Variants in AMMECR1L observed in about 807,000 individuals in gnomAD.
The protein encoded by AMMECR1L is AMMECR1-like protein.
In AMMECR1L, 4 loss-of-function variants were observed where a neutral mutation model predicts 36.8. The observed-to-expected ratio is 0.11, with a 90% CI of 0.05 to 0.25. The LOEUF is 0.25. Among genes scored for constraint, AMMECR1L ranks in the 10% least tolerant of loss-of-function variants. AMMECR1L has a pLI of 1.00. For synonymous variants in AMMECR1L, 147 were observed against 148.0 expected (o/e 0.99, Z 0.05); for missense variants, 232 against 392.1 (o/e 0.59, Z 3.45).
In AMMECR1L at chr2:127,867,171, C is replaced by T. The variant is rs77546173; in HGVS notation, c.725-175G>A. The T allele has an allele frequency of 0.011, 11,322 of 985,476 alleles. 65 individuals carry two copies. Among genetic ancestry groups the T allele is most frequent in the Middle Eastern group, 0.016 (30 of 1,914 alleles). 61.0% of individuals were successfully genotyped at this position (985,476 alleles called of 1,614,324 possible). A position where few individuals can be genotyped will look rare whatever the true frequency, so the allele number is the denominator to read the frequency against. Reference sequence around the variant, plus strand: ...TGGCGCCCAGTCTGTCTGCCAGTCCCGTGGAGACTCTGAGACATGAGATGA... The same window carrying T: ...TGGCGCCCAGTCTGTCTGCCAGTCCTGTGGAGACTCTGAGACATGAGATGA... On this transcript the variant is annotated intron_variant, in intron 6 of 7. Coordinates refer to ENST00000272647, the MANE Select transcript of AMMECR1L (RefSeq NM_001199140.2).
At chr2:127,870,754 G>T in intron 5 of AMMECR1L, 60 bp downstream of exon 5, 2 of 1,339,072 alleles carry the variant, frequency 1.5e-6, no homozygotes, top group Non-Finnish European at 1.0e-6. Flanking sequence ...ACATTGCCAT[G>T]TACTAACCCG....
intron 1 of AMMECR1L, chr2:127,885,159 G>A (rs1691700737): frequency 1.0e-6 from 1 of 985,274 alleles, no homozygotes; most frequent in Non-Finnish European, 1.2e-6. Context: ...GGAGGTTAAG[G>A]AAGGAGGGCC....
In AMMECR1L at chr2:127,871,060, T is replaced by C. The variant is rs1271530260; in HGVS notation, c.519-132A>G. The C allele has an allele frequency of 3.1e-5, 28 of 909,342 alleles. No homozygotes were observed. Among genetic ancestry groups the C allele is most frequent in the Non-Finnish European group, 4.3e-5 (26 of 602,072 alleles). The allele number at this position is 909,342 out of a possible 1,614,324, so 56.3% of individuals were successfully genotyped here. ...CTATTGTTCATCAACACTAACATGT[T>C]AAAAACAACTCGATGCTATTAACTG... On this transcript the variant is annotated intron_variant, in intron 4 of 7. Transcript: ENST00000272647. This position sits in a 1 kb window ranked among gnomAD's most constrained non-coding sequence, Gnocchi z 4.3.
intron 2 of AMMECR1L, among the ~76,000 whole-genome samples, chr2:127,880,773 T>C (rs1390770846): frequency 4.0e-5 from 6 of 149,010 alleles, no homozygotes; most frequent in Non-Finnish European, 1.5e-5. Flanking sequence ...ACATACAGTA[T>C]ACACACACAC....
chr2:127,874,354 A>AT lies in AMMECR1L; in HGVS notation c.-38-83dup. On this transcript the variant is annotated intron_variant, in intron 2 of 7. Transcript: ENST00000272647. This position sits in a 1 kb window ranked among gnomAD's most constrained non-coding sequence, Gnocchi z 5.2. ...AAAACATCAAAGATAGAGAGTCTGC[A>AT]TTGACCAGCTAAGAGCTGTCAAATT... The AT allele has an allele frequency of 7.6e-7, 1 of 1,323,930 alleles. No homozygotes were observed. The highest frequency in any genetic ancestry group is 1.0e-6 in the Non-Finnish European group (1 of 976,506). The allele number at this position is 1,323,930 out of a possible 1,614,324, so 82.0% of individuals were successfully genotyped here.
In AMMECR1L at chr2:127,885,862, C is replaced by T. The variant is rs1381358974; in HGVS notation, c.-201G>A. On this transcript the variant is annotated 5_prime_UTR_variant, in exon 1 of 8. Transcript: ENST00000272647. Reference sequence around the variant, plus strand: ...GGCGGACGGGACCTCTCGCGCTCTGCCTCCTCCTCTTGCTTCATGGAGCCA... The same window carrying T: ...GGCGGACGGGACCTCTCGCGCTCTGTCTCCTCCTCTTGCTTCATGGAGCCA... 5.1e-6 allele frequency: 5 copies of T among 985,912 alleles called. No homozygotes were observed. Among genetic ancestry groups the T allele is most frequent in the Non-Finnish European group, 4.8e-6 (4 of 830,018 alleles). The allele number at this position is 985,912 out of a possible 1,614,324, so 61.1% of individuals were successfully genotyped here.
In AMMECR1L at chr2:127,862,860, CCCT is replaced by C. The variant is rs1187057887; in HGVS notation, c.*2231_*2233del. The C allele has an allele frequency of 2.0e-5, 3 of 150,844 alleles. No individual in the cohort carries two copies. The highest frequency in any genetic ancestry group is 6.6e-5 in the Admixed American group (1 of 15,190). The allele number at this position is 150,844 out of a possible 1,614,324, so 9.3% of individuals were successfully genotyped here. On this transcript the variant is annotated 3_prime_UTR_variant, in exon 8 of 8. Coordinates refer to ENST00000272647, the MANE Select transcript of AMMECR1L (RefSeq NM_001199140.2). Reference sequence around the variant, plus strand: ...TCTTAAATGGCAGGTATCGTACCCCCCCTCGATAAAATAAAATAAAATAAAATA... The same window carrying C: ...TCTTAAATGGCAGGTATCGTACCCCCCGATAAAATAAAATAAAATAAAATA...
At position 127,871,976 on chromosome 2, in the gene AMMECR1L, G is replaced by T. The variant is rs1448561956; in HGVS notation, c.408-617C>A. On this transcript the variant is annotated intron_variant, in intron 3 of 7. Coordinates refer to ENST00000272647, the MANE Select transcript of AMMECR1L (RefSeq NM_001199140.2). This position sits in a 1 kb window ranked among gnomAD's most constrained non-coding sequence, Gnocchi z 4.3. ...GGCCAAGGTGGGCGGATCACTTGAG[G>T]TAAGGAGTTCTAGACCAGCCTGGTC... Among the ~76,000 whole-genome samples the T allele has an allele frequency of 6.6e-6, 1 of 152,080 alleles. No homozygotes were observed. Among genetic ancestry groups the T allele is most frequent in the Admixed American group, 6.5e-5 (1 of 15,276 alleles).
At chr2:127,876,891 C>T (rs923691529) in intron 2 of AMMECR1L, among the ~76,000 whole-genome samples, 3 of 151,828 alleles carry the variant, frequency 2.0e-5, no homozygotes, top group Admixed American at 6.6e-5. Flanking sequence ...GTGGTGCATG[C>T]CTGTAATCCT....
intron 7 of AMMECR1L, among the ~76,000 whole-genome samples, chr2:127,866,227 A>G (rs950915194): frequency 4.6e-5 from 7 of 152,216 alleles, no homozygotes; most frequent in African/African-American, 1.7e-4. Flanking sequence ...AAGAGAACTA[A>G]CATCTCCTGA....
Position 127,873,620 on chromosome 2 carries a change from A to C in AMMECR1L, c.407+208T>G. The C allele has an allele frequency of 6.1e-6, 6 of 985,470 alleles. No individual in the cohort carries two copies. Among genetic ancestry groups the C allele is most frequent in the Non-Finnish European group, 7.2e-6 (6 of 829,940 alleles). 61.0% of individuals were successfully genotyped at this position (985,470 alleles called of 1,614,324 possible). A position where few individuals can be genotyped will look rare whatever the true frequency, so the allele number is the denominator to read the frequency against. On this transcript the variant is annotated intron_variant, in intron 3 of 7. Coordinates refer to ENST00000272647, the MANE Select transcript of AMMECR1L (RefSeq NM_001199140.2). This position sits in a 1 kb window ranked among gnomAD's most constrained non-coding sequence, Gnocchi z 5.2. ...AACATTACTTTAACAACAAGCCTAC[A>C]GCCTCCTCCAAATGTGAACTGCTCC...
At position 127,871,381 on chromosome 2, in the gene AMMECR1L, A is replaced by T; in HGVS notation, c.408-22T>A. ...CGGACTAAAAAAAGCAAAACACAAAACATTCTCCAGCCCCAAATTAATCAT... is the reference window on the plus strand; with the variant it reads ...CGGACTAAAAAAAGCAAAACACAAATCATTCTCCAGCCCCAAATTAATCAT... On this transcript the variant is annotated intron_variant, in intron 3 of 7. Coordinates refer to ENST00000272647, the MANE Select transcript of AMMECR1L (RefSeq NM_001199140.2). The surrounding 1 kb of genome is among the most constrained non-coding windows in gnomAD (Gnocchi z 4.3). The T allele has an allele frequency of 6.2e-7, 1 of 1,606,514 alleles. No individual in the cohort carries two copies.
intron 6 of AMMECR1L, chr2:127,867,405 A>C: frequency 1.3e-6 from 1 of 759,172 alleles, no homozygotes; most frequent in Non-Finnish European, 1.6e-6. Context: ...TCTTCCTTCA[A>C]TCTGATGATT....
intron 1 of AMMECR1L, chr2:127,885,565 C>G (rs1319667695): frequency 1.0e-6 from 1 of 978,924 alleles, no homozygotes; most frequent in African/African-American, 1.7e-5. Flanking sequence ...CGGCGCCGCC[C>G]GCCCCTCCCC....
chr2:127,885,216 C>T (rs1194030153), intron 1 of AMMECR1L: 2 of 984,442 alleles, frequency 2.0e-6, no homozygotes, highest in African/African-American at 1.8e-5. Context: ...AGAAAGTGCG[C>T]GTGTGAAGAG....
At chr2:127,870,456 C>A (rs576538759) in intron 5 of AMMECR1L, among the ~76,000 whole-genome samples, 65 of 151,012 alleles carry the variant, frequency 4.3e-4, no homozygotes, top group African/African-American at 1.5e-3. Flanking sequence ...GCCTGGGGAA[C>A]AAGAACGAAA....
chr2:127,876,350 A>C (rs1691242667), intron 2 of AMMECR1L, among the ~76,000 whole-genome samples: 1 of 12,444 alleles, frequency 8.0e-5, no homozygotes, highest in Admixed American at 1.8e-3. Flanking sequence ...GCCCTGTCTC[A>C]AAAAAAAAAA....
chr2:127,880,835 A>T (rs568707792), intron 2 of AMMECR1L, among the ~76,000 whole-genome samples: 1 of 151,960 alleles, frequency 6.6e-6, no homozygotes, highest in Non-Finnish European at 1.5e-5. Flanking sequence ...CTACACATCT[A>T]ATAATTTAAG....
intron 5 of AMMECR1L, among the ~76,000 whole-genome samples, chr2:127,870,266 A>T (rs1406616450): frequency 6.6e-6 from 1 of 150,824 alleles, no homozygotes; most frequent in East Asian, 1.9e-4. Flanking sequence ...GTGAGCTGAG[A>T]TTGCACCACT....
Sources: gnomAD v4.1 joint callset for allele counts (sites outside exome capture counted in the v4.1 genomes callset) on GRCh38, gnomAD v4.1.1 for gene constraint, Gnocchi (gnomAD v3.1) non-coding constraint, MANE v1.5 for transcripts, NCBI Gene and HGNC (gene_info 2026-07-23, HGNC 2026-07-21) for gene names.